Variants in NCALD observed in about 807,000 individuals in gnomAD.
NCALD encodes the protein neurocalcin-delta.
In NCALD, 10 loss-of-function variants were observed where a neutral mutation model predicts 18.6. The ratio of observed to expected loss-of-function variants is 0.54; its 90% CI spans 0.33 to 0.91. The LOEUF (loss-of-function observed/expected upper bound fraction) is 0.91, where lower values mean the gene tolerates loss of function less well. Ranked by LOEUF, NCALD falls within the 40% of genes least tolerant of loss-of-function variation. The pLI is 0.03. For synonymous variants in NCALD, 88 were observed against 87.4 expected (o/e 1.01, Z -0.04); for missense variants, 184 against 247.6 (o/e 0.74, Z 1.72).
At chr8:101,933,858 A>G (rs1432369050) in intron 2 of NCALD, among the ~76,000 whole-genome samples, 1 of 152,178 alleles carries the variant, frequency 6.6e-6, no homozygotes, top group African/African-American at 2.4e-5. Flanking sequence ...ACAGAAAAGG[A>G]TTTTGGAATC....
rs150177003 is a variant in NCALD, at chr8:101,734,026, C to A, written c.-19-14378G>T. ...AGTGTCACTCATCAGTCACAGCAAC[C>A]GTGTGATGCTTGGCTGTGTTGATGG... On this transcript the variant is annotated intron_variant, in intron 1 of 3. Transcript: ENST00000220931. 2.6e-4 allele frequency among the ~76,000 whole-genome samples: 39 copies of A among 152,276 alleles called. No individual in the cohort carries two copies. The East Asian group carries it at 4.1e-3, about 16-fold the overall frequency.
intron 3 of NCALD, among the ~76,000 whole-genome samples, chr8:101,907,871 T>C (rs150819879): frequency 1.1e-3 from 170 of 152,308 alleles, no homozygotes; most frequent in African/African-American, 3.9e-3. Context: ...ATGTGTAAAG[T>C]TTCACAGTTG....
intron 2 of NCALD, among the ~76,000 whole-genome samples, chr8:101,916,022 C>A (rs1421416298): frequency 6.6e-6 from 1 of 151,998 alleles, no homozygotes; most frequent in Non-Finnish European, 1.5e-5. Context: ...AAAGAGAGTG[C>A]AGGTTGGGGT....
upstream of NCALD, among the ~76,000 whole-genome samples, chr8:101,792,194 A>T (rs184004953): frequency 5.9e-5 from 9 of 152,310 alleles, 1 homozygote; most frequent in East Asian, 1.7e-3. Context: ...AAATAAATAA[A>T]AAAGAGTAGC....
chr8:101,785,371 T>G (rs1812183411), intron 1 of NCALD, among the ~76,000 whole-genome samples: 1 of 152,158 alleles, frequency 6.6e-6, no homozygotes, highest in Non-Finnish European at 1.5e-5. Context: ...GCCAAGTAAA[T>G]TGACTCAAAA....
chr8:101,884,663 C>T (rs191707524), intron 4 of NCALD, among the ~76,000 whole-genome samples: 8 of 152,074 alleles, frequency 5.3e-5, no homozygotes, highest in Non-Finnish European at 1.0e-4. Context: ...AAATAAACTA[C>T]TCTCTATTTT....
At chr8:101,975,476 C>T (rs1775006209) in intron 2 of NCALD, 1 of 152,220 alleles carries the variant, frequency 6.6e-6, no homozygotes, top group Non-Finnish European at 1.5e-5. Flanking sequence ...GTGAGTGTCA[C>T]TGTACTTAAG....
intron 2 of NCALD, among the ~76,000 whole-genome samples, chr8:101,930,122 T>A (rs1818517590): frequency 1.3e-5 from 2 of 152,100 alleles, no homozygotes; most frequent in South Asian, 4.1e-4. Context: ...GAGTATTTTT[T>A]AAAATGAGAA....
At chr8:101,903,740 G>A (rs1463118536) in intron 3 of NCALD, among the ~76,000 whole-genome samples, 1 of 152,180 alleles carries the variant, frequency 6.6e-6, no homozygotes, top group East Asian at 1.9e-4. Flanking sequence ...CAGCAGAGAG[G>A]AAAAGTGGCT....
chr8:102,051,425 T>C (rs751228490), intron 1 of NCALD, among the ~76,000 whole-genome samples: 26 of 148,392 alleles, frequency 1.8e-4, no homozygotes, highest in Non-Finnish European at 6.0e-5. Flanking sequence ...GCAGTAGCCT[T>C]TGCGCTCCCC....
chr8:101,819,306 G>A (rs1232617128), intron 4 of NCALD, among the ~76,000 whole-genome samples: 1 of 117,652 alleles, frequency 8.5e-6, no homozygotes, highest in South Asian at 3.0e-4. Context: ...TTTATTTATT[G>A]TTCTTAGTTT....
intron 4 of NCALD, among the ~76,000 whole-genome samples, chr8:101,879,261 G>A (rs1346355084): frequency 3.3e-5 from 5 of 152,148 alleles, no homozygotes; most frequent in African/African-American, 7.2e-5. Flanking sequence ...TCCTAAAGAT[G>A]GTGTGTCTGG....
chr8:102,026,735 G>T (rs997228655), intron 1 of NCALD, among the ~76,000 whole-genome samples: 4 of 152,316 alleles, frequency 2.6e-5, no homozygotes, highest in African/African-American at 9.6e-5. Flanking sequence ...CAGTGCCCCA[G>T]TGGAGGCTCT....
intron 2 of NCALD, among the ~76,000 whole-genome samples, chr8:101,975,102 T>G (rs1266208248): frequency 1.3e-5 from 2 of 152,208 alleles, no homozygotes; most frequent in Non-Finnish European, 2.9e-5. Flanking sequence ...GTTGGGTGAA[T>G]TGGCCCAGTG....
chr8:101,834,615 C>G (rs757403511), intron 4 of NCALD, among the ~76,000 whole-genome samples: 50 of 152,320 alleles, frequency 3.3e-4, no homozygotes, highest in Non-Finnish European at 6.0e-4. Context: ...GTAAAGGGAT[C>G]TGTACTGCCA....
At chr8:101,778,989 C>G (rs1180975830) in intron 1 of NCALD, among the ~76,000 whole-genome samples, 2 of 151,898 alleles carry the variant, frequency 1.3e-5, no homozygotes, top group Non-Finnish European at 1.5e-5. Context: ...ATGGAGCTAC[C>G]TATAAAGGAA....
intron 4 of NCALD, among the ~76,000 whole-genome samples, chr8:101,869,763 T>C (rs144400569): frequency 6.6e-5 from 10 of 152,362 alleles, no homozygotes; most frequent in African/African-American, 2.4e-4. Flanking sequence ...GTGTCACGTC[T>C]GTGCAATGAC....
chr8:101,690,982 T>C (rs1356351586), intron 3 of NCALD: 2 of 985,330 alleles, frequency 2.0e-6, no homozygotes, highest in Non-Finnish European at 2.4e-6. Context: ...AGTTGGCTCC[T>C]AGGAGAACTT....
chr8:101,741,975 C>T (rs1385971975), intron 1 of NCALD, among the ~76,000 whole-genome samples: 3 of 111,230 alleles, frequency 2.7e-5, no homozygotes, highest in East Asian at 2.7e-4. Context: ...AAAAAAGGGC[C>T]GGGTGCGGTG....
Sources: gnomAD v4.1 joint callset for allele counts (sites outside exome capture counted in the v4.1 genomes callset) on GRCh38, gnomAD v4.1.1 for gene constraint, MANE v1.5 for transcripts, NCBI Gene and HGNC (gene_info 2026-07-23, HGNC 2026-07-21) for gene names.